The following TENM3 variants were observed in gnomAD, a reference collection of about 807,000 sequenced individuals.
TENM3 encodes the protein teneurin-3.
In TENM3, 63 loss-of-function variants were observed where a neutral mutation model predicts 255.1. The observed-to-expected ratio is 0.25, with a 90% CI of 0.20 to 0.30. The LOEUF (loss-of-function observed/expected upper bound fraction) is 0.30, where lower values mean the gene tolerates loss of function less well. TENM3 is among the 10% of genes least tolerant of loss of function. The probability of loss-of-function intolerance (pLI) is 1.00; values close to 1 mark genes in which losing one functional copy is unlikely to be tolerated. For missense variants in TENM3, 2,929 were observed against 3,461.1 expected (o/e 0.85, Z 3.86); for synonymous variants, 1,306 against 1,322.3 (o/e 0.99, Z 0.27).
chr4:181,500,710 A>G, the TENM3 span, among the ~76,000 whole-genome samples: 1 of 152,126 alleles, frequency 6.6e-6, no homozygotes, highest in Admixed American at 6.5e-5. Flanking sequence ...CTCTGTCCCC[A>G]TTTGTATTTA....
At chr4:181,785,531 A>C in the TENM3 span, among the ~76,000 whole-genome samples, 2 of 152,180 alleles carry the variant, frequency 1.3e-5, no homozygotes, top group Admixed American at 6.6e-5. Flanking sequence ...ATACACATTA[A>C]GTATCCCTAT....
At chr4:182,179,098 G>A (rs1752691484) in intron 1 of TENM3, among the ~76,000 whole-genome samples, 1 of 152,154 alleles carries the variant, frequency 6.6e-6, no homozygotes, top group East Asian at 1.9e-4. Flanking sequence ...CGTAAAAATT[G>A]CTGAGCAAAA....
intron 1 of TENM3, among the ~76,000 whole-genome samples, chr4:182,270,053 CT>C (rs1759514573): frequency 6.6e-6 from 1 of 152,134 alleles, no homozygotes; most frequent in Non-Finnish European, 1.5e-5. Flanking sequence ...AAGAGTTAAG[CT>C]TTGTCTAAGA....
At chr4:182,173,148 A>G (rs1189865449) in intron 1 of TENM3, among the ~76,000 whole-genome samples, 3 of 152,210 alleles carry the variant, frequency 2.0e-5, no homozygotes, top group African/African-American at 7.2e-5. Flanking sequence ...GAGAATGACA[A>G]GTAATCTTAA....
At chr4:182,282,071 G>A (rs1760422168) in intron 1 of TENM3, among the ~76,000 whole-genome samples, 1 of 152,192 alleles carries the variant, frequency 6.6e-6, no homozygotes, top group South Asian at 2.1e-4. Context: ...AATTGGTAGT[G>A]TGGTAATTAT....
At chr4:181,843,507 C>G in the TENM3 span, among the ~76,000 whole-genome samples, 1 of 152,148 alleles carries the variant, frequency 6.6e-6, no homozygotes, top group South Asian at 2.1e-4. Context: ...AGATTTTTAG[C>G]TTTCATCACA....
the TENM3 span, among the ~76,000 whole-genome samples, chr4:181,990,166 G>T: frequency 6.6e-6 from 1 of 151,988 alleles, no homozygotes; most frequent in Non-Finnish European, 1.5e-5. Flanking sequence ...TCTATTAAAG[G>T]TACTTTAAAC....
chr4:181,475,364 T>A, the TENM3 span, among the ~76,000 whole-genome samples: 11 of 152,242 alleles, frequency 7.2e-5, no homozygotes, highest in East Asian at 5.8e-4. Flanking sequence ...GGGTTTTTTT[T>A]ATTGAGCAAT....
chr4:181,893,487 G>GCCCC, the TENM3 span, among the ~76,000 whole-genome samples: 446 of 74,698 alleles, frequency 6.0e-3, 2 homozygotes, highest in Middle Eastern at 0.023. Context: ...ACTTTCCCCT[G>GCCCC]CCCACCCCCC....
chr4:182,454,638 T>C (rs747321760), intron 3 of TENM3, among the ~76,000 whole-genome samples: 3 of 152,258 alleles, frequency 2.0e-5, no homozygotes, highest in Non-Finnish European at 4.4e-5. Flanking sequence ...GTTCTATTGC[T>C]GCCGTTCTGG....
At chr4:181,780,450 G>T in the TENM3 span, among the ~76,000 whole-genome samples, 3 of 152,274 alleles carry the variant, frequency 2.0e-5, no homozygotes, top group South Asian at 6.2e-4. Context: ...AGAAGTGTCT[G>T]TTAATATCCT....
chr4:181,504,747 C>T, the TENM3 span, among the ~76,000 whole-genome samples: 1 of 152,208 alleles, frequency 6.6e-6, no homozygotes. Flanking sequence ...CCTCAACCCA[C>T]TCTGAGGTTG....
chr4:181,793,344 G>GTC, the TENM3 span, among the ~76,000 whole-genome samples: 1 of 152,180 alleles, frequency 6.6e-6, no homozygotes, highest in Non-Finnish European at 1.5e-5. Flanking sequence ...GCAGCCCTGT[G>GTC]GGTGACACCA....
chr4:181,913,237 C>G, the TENM3 span, among the ~76,000 whole-genome samples: 1 of 152,046 alleles, frequency 6.6e-6, no homozygotes, highest in African/African-American at 2.4e-5. Context: ...CTGAGAAGAA[C>G]TGAATGATTT....
the TENM3 span, chr4:181,975,661 G>C: frequency 6.6e-6 from 1 of 152,614 alleles, no homozygotes; most frequent in East Asian, 1.9e-4. Flanking sequence ...GGCAGCTACT[G>C]CAGGGAGCCA....
At chr4:182,348,080 GT>G (rs1452577844) in intron 3 of TENM3, among the ~76,000 whole-genome samples, 1 of 152,122 alleles carries the variant, frequency 6.6e-6, no homozygotes, top group Non-Finnish European at 1.5e-5. Flanking sequence ...ATGAAAAAAG[GT>G]CTAATTTAAA....
At chr4:181,477,764 G>T in the TENM3 span, among the ~76,000 whole-genome samples, 1 of 152,148 alleles carries the variant, frequency 6.6e-6, no homozygotes, top group Non-Finnish European at 1.5e-5. Context: ...CTGAGTATTT[G>T]GGTGTGATTC....
intron 17 of TENM3, among the ~76,000 whole-genome samples, chr4:182,737,949 G>T (rs879353395): frequency 9.9e-5 from 15 of 151,930 alleles, no homozygotes; most frequent in Non-Finnish European, 1.6e-4. Context: ...TCATAATCTG[G>T]CTAGCTTTTT....
chr4:182,599,687 C>T (rs1429518943), intron 3 of TENM3, among the ~76,000 whole-genome samples: 1 of 152,140 alleles, frequency 6.6e-6, no homozygotes, highest in Non-Finnish European at 1.5e-5. Context: ...CAATGTTAAA[C>T]TGTGCTATTT....
Sources: gnomAD v4.1 joint callset for allele counts (sites outside exome capture counted in the v4.1 genomes callset) on GRCh38, gnomAD v4.1.1 for gene constraint, MANE v1.5 for transcripts, NCBI Gene and HGNC (gene_info 2026-07-23, HGNC 2026-07-21) for gene names.